Variants in LRP2 observed in about 807,000 individuals in gnomAD.
LRP2 encodes the protein LDL receptor related protein 2, also known as low-density lipoprotein receptor-related protein 2.
Under a neutral mutation model 531.0 loss-of-function variants are expected in LRP2, and 172 were observed. The observed-to-expected ratio is 0.32, with a 90% confidence interval of 0.29 to 0.37. The LOEUF (loss-of-function observed/expected upper bound fraction) is 0.37, where lower values mean the gene tolerates loss of function less well. LRP2 is among the 10% of genes least tolerant of loss of function. LRP2 has a pLI of 1.00. For missense variants in LRP2, 5,167 were observed against 5,868.3 expected (o/e 0.88, Z 3.90); for synonymous variants, 1,992 against 2,027.6 (o/e 0.98, Z 0.47).
At chr2:169,161,368 CA>C (rs1182935258) in intron 63 of LRP2, among the ~76,000 whole-genome samples, 1 of 152,204 alleles carries the variant, frequency 6.6e-6, no homozygotes, top group African/African-American at 2.4e-5. Flanking sequence ...AGTAACATGT[CA>C]TTTTAACATT....
chr2:169,300,356 C>A (rs958035825), intron 4 of LRP2, among the ~76,000 whole-genome samples: 1 of 151,876 alleles, frequency 6.6e-6, no homozygotes, highest in African/African-American at 2.4e-5. Flanking sequence ...TTAGGCTTAG[C>A]ATAATGGCAG....
chr2:169,257,025 A>T (rs998172448), intron 18 of LRP2, 99 bp downstream of exon 18: 115 of 1,346,868 alleles, frequency 8.5e-5, no homozygotes, highest in Non-Finnish European at 1.2e-4. Flanking sequence ...GAGGGCAAGC[A>T]GTACCAGTTT....
intron 36 of LRP2, 26 bp downstream of exon 36, chr2:169,213,631 A>G (rs1479712340): frequency 1.9e-6 from 3 of 1,555,762 alleles, no homozygotes; most frequent in East Asian, 4.5e-5. Flanking sequence ...TACACCCATG[A>G]ATGTATTTCA....
Position 169,216,305 on chromosome 2 carries a change from G to T in LRP2, c.5774C>A (p.Thr1925Asn), listed in dbSNP as rs763961555. ...GAGTTTCTGCTCTTCGATGTCAAGA[G>T]TGACACACTCCAGGTGTTCGAGGTT... ...TGNLEHLECV[T>N]LDIEEQKLYW... is the part of the protein sequence containing the mutation. Residue 1925 changes from threonine to asparagine, a missense_variant, in exon 35 of 79, where the codon ACT becomes AAT. Thr to Asn is a moderately conservative substitution (Grantham distance 65). Around this residue, in one of 6 missense-constraint regions of LRP2, gnomAD observed 2,811 missense variants for 3,058.0 expected, o/e 0.92. Transcript: ENST00000649046. 1.6e-5 allele frequency: 26 copies of T among 1,613,516 alleles called. No homozygotes were observed. The highest frequency in any genetic ancestry group is 5.3e-5 in the African/African-American group (4 of 74,870).
chr2:169,161,805 T>A (rs1221161943), intron 63 of LRP2, among the ~76,000 whole-genome samples: 2 of 152,174 alleles, frequency 1.3e-5, no homozygotes, highest in Non-Finnish European at 2.9e-5. Flanking sequence ...AAAATAAATG[T>A]CCCTTCCCAG....
Position 169,333,163 on chromosome 2 carries a change from T to A in LRP2, c.80-12279A>T, listed in dbSNP as rs531080439. Among the ~76,000 whole-genome samples, 7 of 152,320 alleles carry A rather than the reference T, an allele frequency of 4.6e-5. No homozygotes were observed. The East Asian group carries it at 1.3e-3, about 29-fold the overall frequency. ...AAATGTAATATGTCATTCTCTTTTT[T>A]AAAAACTGGTTTTGCTGATGTTTTA... On this transcript the variant is annotated intron_variant, in intron 1 of 78. Coordinates refer to ENST00000649046, the MANE Select transcript of LRP2 (RefSeq NM_004525.3).
At chr2:169,290,629 A>C (rs1683975186) in intron 8 of LRP2, among the ~76,000 whole-genome samples, 1 of 152,162 alleles carries the variant, frequency 6.6e-6, no homozygotes, top group South Asian at 2.1e-4. Context: ...CTTTTACTGC[A>C]ACATCCTGAC....
rs1176838851 is a variant in LRP2 at position 169,173,195 on chromosome 2, T to C, written c.11044A>G (p.Thr3682Ala). The change falls in exon 57 of 79, where the codon ACA becomes GCA. Residue 3682 changes from threonine to alanine, a missense_variant. This residue lies in a region of LRP2 where 311 missense variants were observed against 309.4 expected (regional missense o/e 1.01). Coordinates refer to ENST00000649046, the MANE Select transcript of LRP2 (RefSeq NM_004525.3). The stretch of plus-strand genomic sequence containing the variant: ...TAATTTGTTTTGCAGCTGAATTCTG[T>C]GAAGTTGTCACAGAGATGGGCAGAG... ...MSSAHLCDNF[T>A]EFSCKTNYRC... 6.2e-7 allele frequency: 1 copy of C among 1,614,090 alleles called. No individual in the cohort carries two copies.
intron 1 of LRP2, among the ~76,000 whole-genome samples, chr2:169,327,210 C>A (rs1418073426): frequency 2.4e-5 from 3 of 126,460 alleles, no homozygotes; most frequent in Non-Finnish European, 4.9e-5. Flanking sequence ...GCCTGGCCAG[C>A]CGCCCCATCC....
chr2:169,312,790 CAG>C (rs1171747022), intron 3 of LRP2, among the ~76,000 whole-genome samples: 2 of 152,192 alleles, frequency 1.3e-5, no homozygotes, highest in Admixed American at 1.3e-4. Flanking sequence ...TAATATCCTG[CAG>C]AGTGTTTTCC....
rs767650855 is a variant in LRP2, at chr2:169,292,271, C to T, written c.751G>A (p.Gly251Arg). ...TCCTTACCACATCCATCTTCATCTC[C>T]ATTATCTTTACAGTCATCTTCTCCA... ...CDGEDDCKDN[G>R]DEDGCESGPH... is the part of the protein sequence containing the mutation. Residue 251 changes from glycine to arginine, a missense_variant, in exon 7 of 79, where the codon GGA becomes AGA. By Grantham distance (125) the Gly-to-Arg change is moderately radical. Coordinates refer to ENST00000649046, the MANE Select transcript of LRP2 (RefSeq NM_004525.3). 1.9e-6 allele frequency: 3 copies of T among 1,612,594 alleles called. No individual in the cohort carries two copies. Among genetic ancestry groups the T allele is most frequent in the Non-Finnish European group, 2.5e-6 (3 of 1,178,612 alleles).
At position 169,157,510 on chromosome 2, in the gene LRP2, A is replaced by G; in HGVS notation, c.11888-8T>C. The G allele has an allele frequency of 6.2e-7, 1 of 1,612,224 alleles. No individual in the cohort carries two copies. Among genetic ancestry groups the G allele is most frequent in the Non-Finnish European group, 8.5e-7 (1 of 1,179,168 alleles). ...TTCTTTCTTTTCCTTTATCTGAAAA[A>G]CAAAATCCCAGCATTACAAACCAGA... On this transcript the variant is annotated splice_region_variant and splice_polypyrimidine_tract_variant and intron_variant, in intron 63 of 78. Coordinates refer to ENST00000649046, the MANE Select transcript of LRP2 (RefSeq NM_004525.3).
At chr2:169,273,103 A>G in intron 14 of LRP2, 36 bp from the exon 15 acceptor site, 1 of 1,612,504 alleles carries the variant, frequency 6.2e-7, no homozygotes, top group South Asian at 1.1e-5. Context: ...AATTGCAATT[A>G]GAAATGTGTA....
In LRP2 at chr2:169,136,728, CT is replaced by C. The variant is rs532876271; in HGVS notation, c.13620+663del. Among the ~76,000 whole-genome samples, 1,240 of 151,954 alleles carry C rather than the reference CT, an allele frequency of 8.2e-3. 12 individuals carry two copies. Among genetic ancestry groups the C allele is most frequent in the Middle Eastern group, 0.02 (6 of 294 alleles). ...CAAATCTTATAAAACGGCCCCACCCCTATCTCCCTTCGCTGACTCTCTTTTC... is the reference window on the plus strand; with the variant it reads ...CAAATCTTATAAAACGGCCCCACCCCATCTCCCTTCGCTGACTCTCTTTTC... On this transcript the variant is annotated intron_variant, in intron 76 of 78. Coordinates refer to ENST00000649046, the MANE Select transcript of LRP2 (RefSeq NM_004525.3).
intron 48 of LRP2, among the ~76,000 whole-genome samples, chr2:169,189,087 A>G (rs1046641941): frequency 1.3e-5 from 2 of 152,214 alleles, no homozygotes; most frequent in African/African-American, 4.8e-5. Context: ...TTTCTTCTCC[A>G]TATTACTCCA....
In LRP2 at chr2:169,187,919, C is replaced by A. The variant is rs1687688368; in HGVS notation, c.9328+51G>T. On this transcript the variant is annotated intron_variant, in intron 49 of 78. Transcript: ENST00000649046. Reference sequence around the variant, plus strand: ...GTCTAAGTCGTGAAGGGTTGAGAATCCATATTCAGTCTCCCCTGTTTCCTT... The same window carrying A: ...GTCTAAGTCGTGAAGGGTTGAGAATACATATTCAGTCTCCCCTGTTTCCTT... 6 of 1,578,948 alleles carry A rather than the reference C, an allele frequency of 3.8e-6. No individual in the cohort carries two copies. In the East Asian group the frequency reaches 8.9e-5, roughly 24 times the overall value.
At chr2:169,355,555 A>G (rs540992512) in intron 1 of LRP2, among the ~76,000 whole-genome samples, 12 of 152,306 alleles carry the variant, frequency 7.9e-5, no homozygotes, top group Admixed American at 5.9e-4. Context: ...TGGTTCTCCA[A>G]TGAGTTTATG....
rs187360747 is a variant in LRP2, at chr2:169,177,518, C to A, written c.10393+285G>T. ...GAAATAGATGAAGTAAATATGGCAACATGATAACTGTTAAATCTTATCAAA... is the reference window on the plus strand; with the variant it reads ...GAAATAGATGAAGTAAATATGGCAAAATGATAACTGTTAAATCTTATCAAA... On this transcript the variant is annotated intron_variant, in intron 53 of 78. Coordinates refer to ENST00000649046, the MANE Select transcript of LRP2 (RefSeq NM_004525.3). Among the ~76,000 whole-genome samples, 97 of 150,238 alleles carry A rather than the reference C, an allele frequency of 6.5e-4. No individual in the cohort carries two copies. The East Asian group carries it at 0.014, about 22-fold the overall frequency.
At chr2:169,333,758 T>A (rs997778094) in intron 1 of LRP2, among the ~76,000 whole-genome samples, 1 of 152,160 alleles carries the variant, frequency 6.6e-6, no homozygotes, top group African/African-American at 2.4e-5. Context: ...CTGGATTGCT[T>A]TTAACAGACT....
Sources: gnomAD v4.1 joint callset for allele counts (sites outside exome capture counted in the v4.1 genomes callset) on GRCh38, gnomAD v4.1.1 for gene constraint, gnomAD v4.1.1 regional missense constraint, MANE v1.5 for transcripts, NCBI Gene and HGNC (gene_info 2026-07-23, HGNC 2026-07-21) for gene names.